CSMD1: variants seen among roughly 807,000 people sequenced by gnomAD.
CSMD1 encodes CUB and Sushi multiple domains 1.
CSMD1 carries 213 observed loss-of-function variants against 417.5 expected under a neutral mutation model. The ratio of observed to expected loss-of-function variants is 0.51; its 90% confidence interval spans 0.46 to 0.57. The LOEUF (loss-of-function observed/expected upper bound fraction) is 0.57. Ranked by LOEUF, CSMD1 falls within the 20% of genes least tolerant of loss-of-function variation. CSMD1 has a pLI of 0.00. For synonymous variants in CSMD1, 2,862 were observed against 1,736.8 expected (o/e 1.65, Z -16.11); for missense variants, 6,923 against 4,529.7 (o/e 1.53, Z -15.17).
intron 5 of CSMD1, among the ~76,000 whole-genome samples, chr8:3,987,557 G>A (rs370420165): frequency 2.2e-4 from 33 of 152,268 alleles, no homozygotes; most frequent in African/African-American, 6.7e-4. Context: ...GTGCAGCTAC[G>A]AAGGGGAGGA....
chr8:4,284,770 C>A (rs1585157616), intron 3 of CSMD1, among the ~76,000 whole-genome samples: 1 of 152,104 alleles, frequency 6.6e-6, no homozygotes, highest in South Asian at 2.1e-4. Flanking sequence ...AACCACTTGC[C>A]TGGCTCTTTC....
chr8:3,387,425 C>T, intron 18 of CSMD1, 69 bp downstream of exon 18: 1 of 1,339,542 alleles, frequency 7.5e-7, no homozygotes, highest in Non-Finnish European at 1.0e-6. Context: ...ACACACCACC[C>T]AGCTAGTTAG....
intron 3 of CSMD1, among the ~76,000 whole-genome samples, chr8:4,365,504 A>C (rs193201529): frequency 6.6e-6 from 1 of 152,302 alleles, no homozygotes; most frequent in African/African-American, 2.4e-5. Context: ...AGTGCTACGA[A>C]TCCAGGCGTT....
At chr8:3,674,507 C>A in intron 7 of CSMD1, among the ~76,000 whole-genome samples, 1 of 151,980 alleles carries the variant, frequency 6.6e-6, no homozygotes, top group East Asian at 1.9e-4. Context: ...GGACAGTATA[C>A]CGTGAATCAT....
chr8:4,150,623 T>G (rs1207941607), intron 3 of CSMD1, among the ~76,000 whole-genome samples: 1 of 152,216 alleles, frequency 6.6e-6, no homozygotes, highest in Middle Eastern at 3.2e-3. Context: ...AAGCATTAAC[T>G]GCAATTCCAA....
intron 1 of CSMD1, among the ~76,000 whole-genome samples, chr8:4,898,187 T>C (rs1563706780): frequency 6.6e-6 from 1 of 152,102 alleles, no homozygotes; most frequent in African/African-American, 2.4e-5. Context: ...CCAGCGTGCA[T>C]TGCTATATTG....
intron 1 of CSMD1, among the ~76,000 whole-genome samples, chr8:4,648,813 T>G (rs1317272865): frequency 6.6e-6 from 1 of 152,136 alleles, no homozygotes; most frequent in Non-Finnish European, 1.5e-5. Flanking sequence ...CCCCACCACT[T>G]GTCTGGTAAA....
intron 1 of CSMD1, among the ~76,000 whole-genome samples, chr8:4,811,920 G>C (rs1212603581): frequency 6.6e-6 from 1 of 152,056 alleles, no homozygotes; most frequent in Non-Finnish European, 1.5e-5. Flanking sequence ...TCTCCGTATA[G>C]AATTTTCTGA....
chr8:4,665,285 C>G (rs184887349), intron 1 of CSMD1, among the ~76,000 whole-genome samples: 17 of 152,338 alleles, frequency 1.1e-4, no homozygotes, highest in African/African-American at 3.8e-4. Flanking sequence ...TCTTTTCTCT[C>G]AGATTGGCCT....
At chr8:3,222,130 G>C (rs573042373) in intron 28 of CSMD1, among the ~76,000 whole-genome samples, 1 of 152,182 alleles carries the variant, frequency 6.6e-6, no homozygotes, top group East Asian at 1.9e-4. Flanking sequence ...GAGACATTGG[G>C]TCGGCTAATA....
intron 51 of CSMD1, among the ~76,000 whole-genome samples, chr8:3,023,231 C>A (rs749055373): frequency 6.6e-6 from 1 of 152,200 alleles, no homozygotes; most frequent in Admixed American, 6.5e-5. Context: ...CGGACACAGA[C>A]AGCCCAGAAT....
intron 7 of CSMD1, among the ~76,000 whole-genome samples, chr8:3,642,046 T>C (rs1046773676): frequency 1.9e-4 from 29 of 152,200 alleles, no homozygotes; most frequent in African/African-American, 6.7e-4. Flanking sequence ...CTTGATCACC[T>C]GGAACTTCTA....
chr8:3,387,294 G>T (rs947745392), intron 18 of CSMD1, among the ~76,000 whole-genome samples, 200 bp downstream of exon 18: 1 of 152,160 alleles, frequency 6.6e-6, no homozygotes, highest in East Asian at 1.9e-4. Context: ...AAGGACAGTT[G>T]TTCTATCTAG....
chr8:3,538,431 G>A (rs757358181), intron 10 of CSMD1, among the ~76,000 whole-genome samples: 2 of 151,962 alleles, frequency 1.3e-5, no homozygotes, highest in Non-Finnish European at 2.9e-5. Context: ...CACTTGAGAT[G>A]CCTCACCTGA....
At chr8:4,782,094 C>A (rs1325164932) in intron 1 of CSMD1, among the ~76,000 whole-genome samples, 1 of 152,106 alleles carries the variant, frequency 6.6e-6, no homozygotes, top group Non-Finnish European at 1.5e-5. Context: ...CTAGGCTATG[C>A]CTTTTAAAAA....
intron 25 of CSMD1, among the ~76,000 whole-genome samples, chr8:3,285,141 G>A (rs1803050357): frequency 1.3e-5 from 2 of 152,044 alleles, no homozygotes; most frequent in Non-Finnish European, 1.5e-5. Flanking sequence ...TATTTCCTGC[G>A]TATTGCACAC....
intron 1 of CSMD1, among the ~76,000 whole-genome samples, chr8:4,764,622 T>C (rs796984370): frequency 9.2e-5 from 14 of 151,994 alleles, no homozygotes; most frequent in African/African-American, 3.1e-4. Context: ...GATTTTTGTC[T>C]ACTGGATTTA....
chr8:3,663,033 T>G (rs1171412189), intron 7 of CSMD1, among the ~76,000 whole-genome samples: 1 of 152,060 alleles, frequency 6.6e-6, no homozygotes. Flanking sequence ...CTCCATGCCA[T>G]TTGTCTGGCA....
chr8:4,727,201 G>T (rs952541097), intron 1 of CSMD1, among the ~76,000 whole-genome samples: 2 of 152,110 alleles, frequency 1.3e-5, no homozygotes, highest in East Asian at 3.9e-4. Flanking sequence ...AGAAAGGACT[G>T]ATCAATGATG....
Sources: allele counts gnomAD v4.1 joint callset (sites outside exome capture counted in the v4.1 genomes callset), GRCh38; gene constraint gnomAD v4.1.1; transcripts MANE v1.5; gene names NCBI Gene and HGNC (gene_info 2026-07-23, HGNC 2026-07-21).